Variants in TOM1L2 observed in about 807,000 individuals in gnomAD.
TOM1L2 encodes target of myb1 like 2 membrane trafficking protein, also known as TOM1-like protein 2.
Under a neutral mutation model 67.9 loss-of-function variants are expected in TOM1L2, and 31 were observed. The observed-to-expected ratio is 0.46, with a 90% confidence interval of 0.34 to 0.62. The LOEUF is 0.62. TOM1L2 is among the 20% of genes least tolerant of loss of function. TOM1L2 has a pLI of 0.01. For synonymous variants in TOM1L2, 256 were observed against 254.0 expected, an observed-to-expected ratio of 1.01 and a Z score of -0.07; for missense variants, 606 against 663.5, an observed-to-expected ratio of 0.91 and a Z score of 0.95.
chr17:17,876,291 G>C (rs915788372), intron 7 of TOM1L2, among the ~76,000 whole-genome samples: 1 of 152,162 alleles, frequency 6.6e-6, no homozygotes, highest in African/African-American at 2.4e-5. Flanking sequence ...TTAACCACCA[G>C]ATGAGAAGTG....
rs2035640204 is a variant in TOM1L2 at position 17,846,272 on chromosome 17, C to CA, written c.*1362dup. On this transcript the variant is annotated 3_prime_UTR_variant, in exon 15 of 15. Coordinates refer to ENST00000379504, the MANE Select transcript of TOM1L2 (RefSeq NM_001082968.2). The stretch of plus-strand genomic sequence containing the variant: ...CAGTGCATGCTGGAGGGGACAGGAG[C>CA]AGACTGACCCAGCGAGCTGGGCCCA... 1 of 152,388 alleles carries CA rather than the reference C, an allele frequency of 6.6e-6. No individual in the cohort carries two copies. The highest frequency in any genetic ancestry group is 2.4e-5 in the African/African-American group (1 of 41,454). The allele number at this position is 152,388 out of a possible 1,614,324, so 9.4% of individuals were successfully genotyped here.
At chr17:17,861,583 C>G in intron 11 of TOM1L2, 32 bp from the exon 12 acceptor site, 1 of 1,604,654 alleles carries the variant, frequency 6.2e-7, no homozygotes, top group Non-Finnish European at 8.5e-7. Context: ...AAGCAGAGTT[C>G]ATTTTCCTCC....
intron 11 of TOM1L2, 98 bp downstream of exon 11, chr17:17,862,633 G>A (rs1406276112): frequency 3.9e-6 from 4 of 1,015,332 alleles, no homozygotes; most frequent in Non-Finnish European, 6.0e-6. Flanking sequence ...GGCAGTCCTG[G>A]ACATGGTAAA....
intron 12 of TOM1L2, among the ~76,000 whole-genome samples, chr17:17,853,906 G>A (rs187686024): frequency 6.2e-4 from 94 of 152,318 alleles, no homozygotes; most frequent in African/African-American, 2.1e-3. Context: ...GATTGTATTT[G>A]GCTTTCAATT....
rs576894860 is a variant in TOM1L2, at chr17:17,866,397, T to C, written c.983A>G (p.Asp328Gly). 2 of 1,603,870 alleles carry C rather than the reference T, an allele frequency of 1.2e-6. No homozygotes were observed. The highest frequency in any genetic ancestry group is 1.1e-5 in the South Asian group (1 of 89,332). The change falls in exon 10 of 15, where the codon GAC becomes GGC. Residue 328 changes from aspartate (D) to glycine (G), a missense_variant. Asp to Gly is a moderately conservative substitution (Grantham distance 94). Around this residue, in one of 2 missense-constraint regions of TOM1L2, gnomAD observed 543 missense variants for 554.0 expected, o/e 0.98. Transcript: ENST00000379504. ...SNGVLNEVTE[D>G]NLIDLGPGSP... is the part of the protein sequence containing the mutation. ...CCCTGGCCCCAGGTCTATTAAGTTG[T>C]CTTCGGTTACTTCATTCAGTACCTG...
chr17:17,869,664 A>G, intron 7 of TOM1L2, 191 bp from the exon 8 acceptor site: 2 of 1,380,094 alleles, frequency 1.4e-6, no homozygotes, highest in Non-Finnish European at 1.9e-6. Flanking sequence ...CGCAGAGGAA[A>G]CAAGTACTTT....
chr17:17,869,626 T>C (rs2037050314), intron 7 of TOM1L2, 153 bp from the exon 8 acceptor site: 2 of 1,403,522 alleles, frequency 1.4e-6, no homozygotes, highest in South Asian at 3.4e-5. Context: ...AAAGTAGAAG[T>C]TCCCTCTTCA....
chr17:17,943,614 C>T (rs2040822658), intron 1 of TOM1L2, among the ~76,000 whole-genome samples: 1 of 152,174 alleles, frequency 6.6e-6, no homozygotes, highest in African/African-American at 2.4e-5. Context: ...GCTGCTGCAG[C>T]CTCCTCATTG....
At chr17:17,891,160 G>T (rs962975608) in intron 4 of TOM1L2, among the ~76,000 whole-genome samples, 3 of 152,238 alleles carry the variant, frequency 2.0e-5, no homozygotes, top group Non-Finnish European at 4.4e-5. Flanking sequence ...TTCTGCTCAG[G>T]TCCCCATGGC....
chr17:17,940,532 A>G (rs536337613), intron 1 of TOM1L2, among the ~76,000 whole-genome samples: 5 of 152,168 alleles, frequency 3.3e-5, no homozygotes, highest in Admixed American at 1.3e-4. Context: ...GTGGGTGCAG[A>G]GCATGGAGAA....
At chr17:17,931,976 T>C (rs1216577006) in intron 1 of TOM1L2, among the ~76,000 whole-genome samples, 1 of 152,252 alleles carries the variant, frequency 6.6e-6, no homozygotes, top group African/African-American at 2.4e-5. Flanking sequence ...TTAATTGTTA[T>C]GAATGTATAT....
intron 1 of TOM1L2, among the ~76,000 whole-genome samples, chr17:17,927,909 C>T (rs1373542245): frequency 6.6e-6 from 1 of 152,092 alleles, no homozygotes; most frequent in Non-Finnish European, 1.5e-5. Flanking sequence ...AGGCATGAAC[C>T]ACCACACCCA....
At position 17,843,659 on chromosome 17, in the gene TOM1L2, A is replaced by T. The variant is rs2035498129; in HGVS notation, c.*3976T>A. The stretch of plus-strand genomic sequence containing the variant: ...CCTCCAGAACCAGCTCTGCCCACAG[A>T]AACACATGACAGTGACAAAAACACT... On this transcript the variant is annotated 3_prime_UTR_variant, in exon 15 of 15. Coordinates refer to ENST00000379504, the MANE Select transcript of TOM1L2 (RefSeq NM_001082968.2). 6.6e-6 allele frequency: 1 copy of T among 151,914 alleles called. No individual in the cohort carries two copies. The highest frequency in any genetic ancestry group is 6.5e-5 in the Admixed American group (1 of 15,270). 9.4% of individuals were successfully genotyped at this position (151,914 alleles called of 1,614,324 possible). A position where few individuals can be genotyped will look rare whatever the true frequency, so the allele number is the denominator to read the frequency against.
At chr17:17,898,826 A>G (rs773723970) in intron 2 of TOM1L2, 152 bp from the exon 3 acceptor site, 3 of 714,554 alleles carry the variant, frequency 4.2e-6, no homozygotes, top group Non-Finnish European at 4.9e-6. Flanking sequence ...ATGTCCATCA[A>G]TACACAACAG....
At chr17:17,934,626 C>T (rs941268890) in intron 1 of TOM1L2, among the ~76,000 whole-genome samples, 4 of 152,110 alleles carry the variant, frequency 2.6e-5, no homozygotes, top group African/African-American at 9.7e-5. Context: ...CCTAAAAATA[C>T]ATATTTATTT....
intron 1 of TOM1L2, among the ~76,000 whole-genome samples, chr17:17,937,483 T>A (rs766164554): frequency 1.3e-5 from 2 of 152,160 alleles, no homozygotes; most frequent in Non-Finnish European, 2.9e-5. Context: ...CTGTAGCAAA[T>A]GAAGGCTGTC....
chr17:17,845,387 G>A lies in TOM1L2; in HGVS notation c.*2248C>T, dbSNP rs1480092387. The A allele has an allele frequency of 6.6e-6, 1 of 152,282 alleles. No individual in the cohort carries two copies. 9.4% of individuals were successfully genotyped at this position (152,282 alleles called of 1,614,324 possible). The stretch of plus-strand genomic sequence containing the variant: ...GCTGGAGCGGGGCAGTTCTGGGAGT[G>A]GGTATGAAAAACAGTTTTGCTGGGG... On this transcript the variant is annotated 3_prime_UTR_variant, in exon 15 of 15. Coordinates refer to ENST00000379504, the MANE Select transcript of TOM1L2 (RefSeq NM_001082968.2).
rs924775558 is a variant in TOM1L2, at chr17:17,882,741, C to G, written c.624G>C (p.Leu208=). The G allele has an allele frequency of 6.2e-7, 1 of 1,614,208 alleles. No homozygotes were observed. Among genetic ancestry groups the G allele is most frequent in the Non-Finnish European group, 8.5e-7 (1 of 1,180,030 alleles). ...APYSAPQAPA[L]SVTGPITANS... Reference sequence around the variant, plus strand: ...TGGCTGTGATGGGGCCAGTCACACTCAGAGCTGGGGCCTGCGGTGCGGAGT... The same window carrying G: ...TGGCTGTGATGGGGCCAGTCACACTGAGAGCTGGGGCCTGCGGTGCGGAGT... Residue 208 remains leucine (L), a synonymous_variant, in exon 6 of 15, where the codon CTG becomes CTC. Coordinates refer to ENST00000379504, the MANE Select transcript of TOM1L2 (RefSeq NM_001082968.2).
At chr17:17,892,531 G>A (rs1384751024) in intron 4 of TOM1L2, among the ~76,000 whole-genome samples, 1 of 152,032 alleles carries the variant, frequency 6.6e-6, no homozygotes, top group Non-Finnish European at 1.5e-5. Flanking sequence ...TCTTCCCACT[G>A]CCTACAGGAC....
Sources: gnomAD v4.1 joint callset for allele counts (sites outside exome capture counted in the v4.1 genomes callset) on GRCh38, gnomAD v4.1.1 for gene constraint, gnomAD v4.1.1 regional missense constraint, MANE v1.5 for transcripts, NCBI Gene and HGNC (gene_info 2026-07-23, HGNC 2026-07-21) for gene names.